TCF12: variants seen among roughly 807,000 people sequenced by gnomAD.
TCF12 encodes the protein transcription factor 12.
Under a neutral mutation model 86.0 loss-of-function variants are expected in TCF12, and 45 were observed. The observed-to-expected ratio is 0.52, with a 90% CI of 0.41 to 0.67. TCF12 has a LOEUF of 0.67. Among genes scored for constraint, TCF12 ranks in the 30% least tolerant of loss-of-function variants. TCF12 has a pLI of 0.00. For synonymous variants in TCF12, 330 were observed against 299.6 expected, an observed-to-expected ratio of 1.10 and a Z score of -1.05; for missense variants, 881 against 859.9, an observed-to-expected ratio of 1.02 and a Z score of -0.31.
intron 13 of TCF12, among the ~76,000 whole-genome samples, chr15:57,249,368 G>GCCTTTAATGGT (rs1448169352): frequency 6.6e-6 from 1 of 151,616 alleles, no homozygotes; most frequent in African/African-American, 2.4e-5. Context: ...CTAGCAGGAA[G>GCCTTTAATGGT]CCTTTAATGG....
chr15:56,949,388 A>G (rs2061161446), intron 3 of TCF12, among the ~76,000 whole-genome samples: 1 of 152,224 alleles, frequency 6.6e-6, no homozygotes, highest in Admixed American at 6.5e-5. Flanking sequence ...GCATTGTTAC[A>G]CACATTCAGT....
intron 3 of TCF12, among the ~76,000 whole-genome samples, chr15:57,057,498 A>G (rs2068120151): frequency 1.3e-5 from 2 of 152,190 alleles, no homozygotes; most frequent in South Asian, 2.1e-4. Flanking sequence ...TTTCATCCCA[A>G]TCAGCCTGTT....
At chr15:57,276,062 C>G (rs1239916159) in intron 19 of TCF12, among the ~76,000 whole-genome samples, 2 of 152,208 alleles carry the variant, frequency 1.3e-5, no homozygotes, top group Admixed American at 6.5e-5. Context: ...CAGCGTTACT[C>G]AAGACTCAGT....
At chr15:57,266,085 TATTATTTATTTATTTA>T (rs1179331329) in intron 18 of TCF12, among the ~76,000 whole-genome samples, 34 of 145,746 alleles carry the variant, frequency 2.3e-4, no homozygotes, top group South Asian at 6.5e-4. Context: ...TTTTTGTTTT[TATTATTTATTTATTTA>T]TTTATTTATT....
intron 18 of TCF12, among the ~76,000 whole-genome samples, chr15:57,269,360 C>CTTTT (rs56700978): frequency 3.8e-4 from 12 of 32,000 alleles, no homozygotes; most frequent in Admixed American, 1.7e-3. Context: ...ACAACCCCTG[C>CTTTT]TTTTTTTTTT....
In TCF12 at chr15:57,243,478, T is replaced by G; in HGVS notation, c.1042T>G (p.Ser348Ala). Residue 348 changes from serine (S) to alanine (A), a missense_variant, in exon 13 of 21, where the codon TCT becomes GCT. This residue lies in a region of TCF12 where 766 missense variants were observed against 718.9 expected (regional missense o/e 1.07). Transcript: ENST00000333725. ...ALGKALASIY[S>A]PDHTSSSFPS... ...TTTCTTGTTTTCTGGTTAGATTTAT[T>G]CTCCTGACCATACCAGCAGTAGTTT... is the stretch of plus-strand genomic sequence containing the variant. 1 of 1,613,560 alleles carries G rather than the reference T, an allele frequency of 6.2e-7. No individual in the cohort carries two copies. The highest frequency in any genetic ancestry group is 8.5e-7 in the Non-Finnish European group (1 of 1,179,634).
intron 18 of TCF12, 81 bp downstream of exon 18, chr15:57,263,355 A>G (rs1597732837): frequency 1.0e-5 from 14 of 1,397,982 alleles, no homozygotes; most frequent in Admixed American, 6.6e-5. Flanking sequence ...TCATGCATTT[A>G]TTAACTGTCA....
At chr15:57,095,736 G>T (rs1328914030) in intron 5 of TCF12, among the ~76,000 whole-genome samples, 1 of 152,056 alleles carries the variant, frequency 6.6e-6, no homozygotes. Flanking sequence ...AGAGTTAGGA[G>T]GTGTGGATTT....
At chr15:57,155,244 G>A (rs2054034455) in intron 5 of TCF12, among the ~76,000 whole-genome samples, 1 of 151,410 alleles carries the variant, frequency 6.6e-6, no homozygotes, top group Non-Finnish European at 1.5e-5. Flanking sequence ...CCTCCATTCA[G>A]CAAATATTCT....
intron 5 of TCF12, among the ~76,000 whole-genome samples, chr15:57,139,284 G>C (rs1205723455): frequency 6.6e-6 from 1 of 151,992 alleles, no homozygotes; most frequent in Non-Finnish European, 1.5e-5. Context: ...AAGAATGATG[G>C]TCTTTTATAA....
chr15:57,248,249 G>T (rs1172551378), intron 13 of TCF12, among the ~76,000 whole-genome samples: 3 of 152,166 alleles, frequency 2.0e-5, no homozygotes, highest in African/African-American at 7.2e-5. Context: ...TTAGCATCTG[G>T]ATTTGTCCCT....
At chr15:57,279,161 AT>A (rs1202088010) in intron 19 of TCF12, among the ~76,000 whole-genome samples, 1 of 151,728 alleles carries the variant, frequency 6.6e-6, no homozygotes, top group Non-Finnish European at 1.5e-5. Flanking sequence ...CACCTGGCTA[AT>A]TTTTAAATTT....
At chr15:57,229,227 T>A (rs1265735690) in intron 8 of TCF12, among the ~76,000 whole-genome samples, 2 of 151,996 alleles carry the variant, frequency 1.3e-5, no homozygotes, top group Non-Finnish European at 2.9e-5. Flanking sequence ...CCTGAAAACC[T>A]TATCTGCCTA....
chr15:57,152,953 A>G (rs2053869328), intron 5 of TCF12, among the ~76,000 whole-genome samples: 1 of 152,172 alleles, frequency 6.6e-6, no homozygotes, highest in South Asian at 2.1e-4. Context: ...AGGCAGAAAA[A>G]AAAACACATC....
intron 6 of TCF12, among the ~76,000 whole-genome samples, chr15:57,174,446 G>A (rs1158810875): frequency 6.6e-6 from 1 of 152,122 alleles, no homozygotes; most frequent in Non-Finnish European, 1.5e-5. Context: ...AAAATCTATG[G>A]CTAACAGAAT....
intron 5 of TCF12, among the ~76,000 whole-genome samples, chr15:57,133,349 A>G (rs1381575434): frequency 6.6e-6 from 1 of 152,246 alleles, no homozygotes; most frequent in African/African-American, 2.4e-5. Flanking sequence ...GCACAACATG[A>G]CCATTTTCAG....
At chr15:57,022,848 A>G (rs745899849) in intron 3 of TCF12, among the ~76,000 whole-genome samples, 17 of 152,108 alleles carry the variant, frequency 1.1e-4, no homozygotes, top group Non-Finnish European at 1.9e-4. Context: ...ACGTGGTCAG[A>G]CAGATCTTTT....
At chr15:56,937,312 C>T (rs1321982505) in intron 3 of TCF12, among the ~76,000 whole-genome samples, 4 of 150,122 alleles carry the variant, frequency 2.7e-5, no homozygotes, top group East Asian at 3.9e-4. Flanking sequence ...GATTTGTATA[C>T]GTTAATTTGT....
At position 56,994,011 on chromosome 15, in the gene TCF12, T is replaced by C. The variant is rs141469101; in HGVS notation, c.149-69739T>C. ...TTTCAACAGACAATTGTGAACACTCTTGAAATGTATGAAAAAGTCTCAGCA... is the reference window on the plus strand; with the variant it reads ...TTTCAACAGACAATTGTGAACACTCCTGAAATGTATGAAAAAGTCTCAGCA... On this transcript the variant is annotated intron_variant, in intron 3 of 20. Coordinates refer to ENST00000333725, the MANE Select transcript of TCF12 (RefSeq NM_207037.2). Among the ~76,000 whole-genome samples, 320 of 152,262 alleles carry C rather than the reference T, an allele frequency of 2.1e-3. 2 individuals carry two copies. The highest frequency in any genetic ancestry group is 7.2e-3 in the African/African-American group (300 of 41,544).
Sources: allele counts gnomAD v4.1 joint callset (sites outside exome capture counted in the v4.1 genomes callset), GRCh38; gene constraint gnomAD v4.1.1; regional missense constraint gnomAD v4.1.1; transcripts MANE v1.5; gene names NCBI Gene and HGNC (gene_info 2026-07-23, HGNC 2026-07-21).